Variants in SLC26A4 observed in about 807,000 individuals in gnomAD.
SLC26A4 encodes solute carrier family 26 member 4.
SLC26A4 carries 93 observed loss-of-function variants against 90.4 expected under a neutral mutation model. That is an observed-to-expected ratio of 1.03 (90% CI 0.87 to 1.22). The LOEUF (loss-of-function observed/expected upper bound fraction) is 1.22, where lower values mean the gene tolerates loss of function less well. Ranked by LOEUF, SLC26A4 falls within the 50% of genes most tolerant of loss-of-function variation. The pLI, the probability that SLC26A4 is intolerant of heterozygous loss-of-function variation, is 0.00. For missense variants in SLC26A4, 1,127 were observed against 946.2 expected (o/e 1.19, Z -2.51); for synonymous variants, 393 against 354.6 (o/e 1.11, Z -1.22).
intron 4 of SLC26A4, among the ~76,000 whole-genome samples, chr7:107,673,683 C>T (rs1450936789): frequency 6.6e-6 from 1 of 152,080 alleles, no homozygotes; most frequent in Non-Finnish European, 1.5e-5. Flanking sequence ...GTGTCTCTCT[C>T]GCCTATTTCT....
In SLC26A4 at chr7:107,695,963, A is replaced by C. The variant is rs200511789; in HGVS notation, c.1468A>C (p.Ile490Leu). 573 of 1,611,194 alleles carry C rather than the reference A, an allele frequency of 3.6e-4. 4 individuals carry two copies. The highest frequency in any genetic ancestry group is 2.9e-3 in the South Asian group (265 of 91,038). The change falls in exon 13 of 21, where the codon ATC becomes CTC. Residue 490 changes from isoleucine to leucine, a missense_variant. Transcript: ENST00000644269. ...CTGGGTGTTTACGTGTATAGTGTCC[A>C]TCATTCTGGGGCTGGATCTCGGTTT... ...VIWVFTCIVS[I>L]ILGLDLGLLA...
chr7:107,685,759 C>A (rs1791379381), intron 8 of SLC26A4, among the ~76,000 whole-genome samples: 1 of 152,224 alleles, frequency 6.6e-6, no homozygotes, highest in African/African-American at 2.4e-5. Context: ...ATGTGCCTCT[C>A]TTCTCATGCA....
chr7:107,667,458 GT>G (rs112876104), intron 3 of SLC26A4, among the ~76,000 whole-genome samples: 7,770 of 62,020 alleles, frequency 0.13, 2,376 homozygotes, highest in African/African-American at 0.32. Flanking sequence ...AAGAGAGAAG[GT>G]TTAAAAAAAA....
At chr7:107,682,063 A>G (rs1030080780) in intron 6 of SLC26A4, among the ~76,000 whole-genome samples, 52 of 147,982 alleles carry the variant, frequency 3.5e-4, no homozygotes, top group African/African-American at 1.2e-3. Context: ...GCTTGAGCTC[A>G]GGAGTTCGAG....
In SLC26A4 at chr7:107,709,931, G is replaced by A. The variant is rs185301393; in HGVS notation, c.2090-123G>A. On this transcript the variant is annotated intron_variant, in intron 18 of 20. Coordinates refer to ENST00000644269, the MANE Select transcript of SLC26A4 (RefSeq NM_000441.2). ...GGATCACTTGAACTTGGGACGCGGAGGTTGCAGTGAGCAATGATGCCACTG... is the reference window on the plus strand; with the variant it reads ...GGATCACTTGAACTTGGGACGCGGAAGTTGCAGTGAGCAATGATGCCACTG... The A allele has an allele frequency of 9.3e-5, 70 of 751,822 alleles. No individual in the cohort carries two copies. The East Asian group carries it at 1.8e-3, about 19-fold the overall frequency. The allele number at this position is 751,822 out of a possible 1,614,324, so 46.6% of individuals were successfully genotyped here.
At chr7:107,695,771 C>T (rs1455199464) in intron 12 of SLC26A4, among the ~76,000 whole-genome samples, 162 bp from the exon 13 acceptor site, 10 of 152,014 alleles carry the variant, frequency 6.6e-5, no homozygotes, top group Non-Finnish European at 2.9e-5. Flanking sequence ...TATCATGGTG[C>T]CACTGCACTC....
chr7:107,698,057 C>G lies in SLC26A4; in HGVS notation c.1560C>G (p.Gly520=), dbSNP rs2129317523. 6.2e-7 allele frequency: 1 copy of G among 1,607,826 alleles called. No homozygotes were observed. Among genetic ancestry groups the G allele is most frequent in the Non-Finnish European group, 8.5e-7 (1 of 1,174,384 alleles). Residue 520 remains glycine (G), a synonymous_variant, in exon 14 of 21, where the codon GGC becomes GGG. Coordinates refer to ENST00000644269, the MANE Select transcript of SLC26A4 (RefSeq NM_000441.2). ...TTTCTTCTAGTCCTTCTTGGAATGG[C>G]CTTGGAAGCATCCCTAGCACAGATA... is the stretch of plus-strand genomic sequence containing the variant. ...VLRVQFPSWN[G]LGSIPSTDIY...
intron 3 of SLC26A4, among the ~76,000 whole-genome samples, chr7:107,667,053 A>T (rs1400234220): frequency 1.3e-5 from 2 of 152,154 alleles, no homozygotes; most frequent in African/African-American, 4.8e-5. Context: ...AACCGGATAG[A>T]TCATTACATC....
intron 4 of SLC26A4, 140 bp downstream of exon 4, chr7:107,672,388 A>AAAG (rs1790896279): frequency 6.1e-6 from 1 of 164,484 alleles, no homozygotes; most frequent in African/African-American, 2.5e-5. Flanking sequence ...GAAAACCGCA[A>AAAG]TTACTTTTGC....
rs1790566353 is a variant in SLC26A4, at chr7:107,661,862, G to C, written c.164+57G>C. ...GCGGAGCGGGGCGTCCACGCCTTGGGGAGGGAAGGGCGTCCCCAGCGGGCG... is the reference window on the plus strand; with the variant it reads ...GCGGAGCGGGGCGTCCACGCCTTGGCGAGGGAAGGGCGTCCCCAGCGGGCG... On this transcript the variant is annotated intron_variant, in intron 2 of 20. Coordinates refer to ENST00000644269, the MANE Select transcript of SLC26A4 (RefSeq NM_000441.2). The surrounding 1 kb of genome is among the most constrained non-coding windows in gnomAD (Gnocchi z 5.1). 1 of 1,503,614 alleles carries C rather than the reference G, an allele frequency of 6.7e-7. No individual in the cohort carries two copies. The highest frequency in any genetic ancestry group is 1.2e-5 in the South Asian group (1 of 81,804). 93.1% of individuals were successfully genotyped at this position (1,503,614 alleles called of 1,614,324 possible).
intron 17 of SLC26A4, among the ~76,000 whole-genome samples, chr7:107,703,772 T>C (rs2188562): frequency 0.75 from 114,625 of 151,944 alleles, 43,589 homozygotes; most frequent in East Asian, 0.99. Flanking sequence ...TATTATTGAC[T>C]ATGGGTCTTG....
chr7:107,679,858 T>C (rs143222971), intron 6 of SLC26A4, among the ~76,000 whole-genome samples: 1,414 of 66,794 alleles, frequency 0.021, 38 homozygotes, highest in African/African-American at 0.14. Flanking sequence ...TATATTATTA[T>C]ATTATATAAT....
intron 9 of SLC26A4, 141 bp from the exon 10 acceptor site, chr7:107,689,983 C>T: frequency 1.4e-6 from 1 of 715,110 alleles, no homozygotes; most frequent in Non-Finnish European, 2.6e-6. Flanking sequence ...CCCCAAGTAC[C>T]TATCACGGTA....
intron 14 of SLC26A4, among the ~76,000 whole-genome samples, chr7:107,698,702 T>G (rs144382674): frequency 7.0e-4 from 107 of 152,348 alleles, no homozygotes; most frequent in African/African-American, 2.0e-3. Context: ...AAAATTTTGT[T>G]TATCTGGTAT....
chr7:107,675,852 G>A (rs969246073), intron 6 of SLC26A4, among the ~76,000 whole-genome samples: 3 of 151,502 alleles, frequency 2.0e-5, no homozygotes, highest in Admixed American at 1.3e-4. Context: ...GATTACAGGC[G>A]TGAGCCACCG....
intron 5 of SLC26A4, 109 bp from the exon 6 acceptor site, chr7:107,674,836 G>A (rs1790977865): frequency 9.9e-7 from 1 of 1,014,160 alleles, no homozygotes; most frequent in Non-Finnish European, 1.6e-6. Context: ...TTGTGCTATA[G>A]GCAGGCTACT....
chr7:107,715,546 A>G lies in SLC26A4; in HGVS notation c.*100A>G, dbSNP rs1211968024. 3 of 928,522 alleles carry G rather than the reference A, an allele frequency of 3.2e-6. No homozygotes were observed. Among genetic ancestry groups the G allele is most frequent in the Non-Finnish European group, 5.4e-6 (3 of 553,770 alleles). The allele number at this position is 928,522 out of a possible 1,614,324, so 57.5% of individuals were successfully genotyped here. ...ACTCAAAACACTCATTCTTTTTTCT[A>G]TTAAGCCATTGAAAGAGAAGCACTA... On this transcript the variant is annotated 3_prime_UTR_variant, in exon 21 of 21. Coordinates refer to ENST00000644269, the MANE Select transcript of SLC26A4 (RefSeq NM_000441.2).
At chr7:107,667,659 G>T (rs535492921) in intron 3 of SLC26A4, among the ~76,000 whole-genome samples, 7 of 152,098 alleles carry the variant, frequency 4.6e-5, no homozygotes, top group South Asian at 4.2e-4. Context: ...TTTGTGAACC[G>T]ATAGGAATGA....
chr7:107,692,436 T>G (rs1791600443), intron 10 of SLC26A4, among the ~76,000 whole-genome samples: 4 of 152,180 alleles, frequency 2.6e-5, no homozygotes, highest in African/African-American at 9.7e-5. Flanking sequence ...CACAGGGATA[T>G]TGTGAGGATT....
Sources: allele counts gnomAD v4.1 joint callset (sites outside exome capture counted in the v4.1 genomes callset), GRCh38; gene constraint gnomAD v4.1.1; non-coding constraint Gnocchi (gnomAD v3.1); transcripts MANE v1.5; gene names NCBI Gene and HGNC (gene_info 2026-07-23, HGNC 2026-07-21).